SACM1L: variants seen among roughly 807,000 people sequenced by gnomAD.
The protein encoded by SACM1L is phosphatidylinositol-3-phosphatase SAC1.
Under a neutral mutation model 89.5 loss-of-function variants are expected in SACM1L, and 32 were observed. The ratio of observed to expected loss-of-function variants is 0.36; its 90% CI spans 0.27 to 0.48. SACM1L has a LOEUF of 0.48. Among genes scored for constraint, SACM1L ranks in the 20% least tolerant of loss-of-function variants. The pLI is 0.99. For synonymous variants in SACM1L, 213 were observed against 232.8 expected, an observed-to-expected ratio of 0.92 and a Z score of 0.77; for missense variants, 543 against 708.5, an observed-to-expected ratio of 0.77 and a Z score of 2.65.
intron 5 of SACM1L, among the ~76,000 whole-genome samples, chr3:45,710,892 G>A (rs894379633): frequency 2.6e-5 from 4 of 152,164 alleles, no homozygotes; most frequent in African/African-American, 9.7e-5. Flanking sequence ...ACTACAAAGA[G>A]ACTTGCTTTT....
At position 45,739,596 on chromosome 3, in the gene SACM1L, A is replaced by G; in HGVS notation, c.1579A>G (p.Ile527Val). The G allele has an allele frequency of 6.2e-7, 1 of 1,614,104 alleles. No individual in the cohort carries two copies. The highest frequency in any genetic ancestry group is 8.5e-7 in the Non-Finnish European group (1 of 1,179,972). ...RDWKFLALPI[I>V]MVVAFSMCII... ...CTATTGTCTTTTCCAGTTGCCTATT[A>G]TCATGGTTGTTGCCTTTTCAATGTG... is the stretch of plus-strand genomic sequence containing the variant. Residue 527 changes from isoleucine to valine, a missense_variant, in exon 19 of 20, where the codon ATC becomes GTC. Coordinates refer to ENST00000389061, the MANE Select transcript of SACM1L (RefSeq NM_014016.5).
intron 1 of SACM1L, among the ~76,000 whole-genome samples, chr3:45,690,627 A>G (rs930753510): frequency 1.8e-4 from 27 of 152,150 alleles, no homozygotes; most frequent in African/African-American, 5.8e-4. Flanking sequence ...GTGTTGCAAA[A>G]AAGATGATTG....
chr3:45,708,564 G>A (rs1698451252), intron 4 of SACM1L, among the ~76,000 whole-genome samples: 1 of 151,748 alleles, frequency 6.6e-6, no homozygotes, highest in South Asian at 2.1e-4. Flanking sequence ...TTATACTTTA[G>A]AATTTCTTTT....
intron 4 of SACM1L, among the ~76,000 whole-genome samples, chr3:45,709,140 G>A (rs1698465230): frequency 6.6e-6 from 1 of 152,200 alleles, no homozygotes; most frequent in Admixed American, 6.5e-5. Flanking sequence ...GGGCTGTTGT[G>A]AAGATTAAAG....
chr3:45,719,670 C>A, intron 8 of SACM1L, 69 bp downstream of exon 8: 1 of 846,624 alleles, frequency 1.2e-6, no homozygotes, highest in South Asian at 1.7e-5. Context: ...CGAATGTAAC[C>A]TTTTGTATTT....
intron 14 of SACM1L, chr3:45,737,148 T>G (rs999007119): frequency 3.6e-5 from 6 of 166,286 alleles, no homozygotes; most frequent in Admixed American, 6.4e-5. Flanking sequence ...ATCAGATTCT[T>G]AAAGGTCCCT....
chr3:45,695,614 C>T (rs1329615200), intron 1 of SACM1L, among the ~76,000 whole-genome samples: 1 of 152,170 alleles, frequency 6.6e-6, no homozygotes, highest in Non-Finnish European at 1.5e-5. Context: ...AGTTTTATGA[C>T]ATATCACTGT....
chr3:45,738,853 A>G lies in SACM1L; in HGVS notation c.1549A>G (p.Arg517Gly). The change falls in exon 18 of 20, where the codon AGG (arginine) becomes GGG (glycine). Residue 517 changes from arginine to glycine, a missense_variant. Physicochemically the swap from Arg to Gly is moderately radical, Grantham distance 125 (BLOSUM62 -2). Around this residue, in one of 2 missense-constraint regions of SACM1L, gnomAD observed 370 missense variants for 527.6 expected, o/e 0.70. Transcript: ENST00000389061. ...LESHSPLSVPRDWKFLALPII... is the reference protein window; with the variant it reads ...LESHSPLSVPGDWKFLALPII... ...ATCTCATAGTCCTTTAAGTGTTCCA[A>G]GGGACTGGAAATTCCTGGCTGTAAG... 1 of 1,606,040 alleles carries G rather than the reference A, an allele frequency of 6.2e-7. No individual in the cohort carries two copies.
chr3:45,720,125 C>G (rs1021387065), intron 8 of SACM1L, among the ~76,000 whole-genome samples: 13 of 151,722 alleles, frequency 8.6e-5, no homozygotes, highest in Admixed American at 6.6e-5. Flanking sequence ...TTTTTTTAAC[C>G]AGAATATATC....
chr3:45,717,339 G>C (rs1173401913), intron 7 of SACM1L, among the ~76,000 whole-genome samples: 2 of 152,204 alleles, frequency 1.3e-5, no homozygotes, highest in Non-Finnish European at 2.9e-5. Flanking sequence ...CGTCACAAGG[G>C]CTTGAAGTTT....
In SACM1L at chr3:45,738,553, CTTAAAAT is replaced by C; in HGVS notation, c.1383-20_1383-14del. 6.9e-7 allele frequency: 1 copy of C among 1,443,906 alleles called. No individual in the cohort carries two copies. The highest frequency in any genetic ancestry group is 9.7e-7 in the Non-Finnish European group (1 of 1,027,340). The allele number at this position is 1,443,906 out of a possible 1,614,324, so 89.4% of individuals were successfully genotyped here. The stretch of plus-strand genomic sequence containing the variant: ...GAGAATTCAGTGTACAAACCTGTAA[CTTAAAAT>C]TTAACCTCTTTAACCAGAACTGGAA... On this transcript the variant is annotated intron_variant, in intron 16 of 19. Coordinates refer to ENST00000389061, the MANE Select transcript of SACM1L (RefSeq NM_014016.5).
rs201335165 is a variant in SACM1L, at chr3:45,737,734, T to C, written c.1310-38T>C. On this transcript the variant is annotated intron_variant, in intron 15 of 19. Transcript: ENST00000389061. The stretch of plus-strand genomic sequence containing the variant: ...TCTGGATTTAGAACTTTGTTTGTCA[T>C]CTTAATAATTATCAGCTGTTTTTAC... 9.4e-6 allele frequency: 15 copies of C among 1,597,294 alleles called. No individual in the cohort carries two copies. In the South Asian group the frequency reaches 1.1e-4, roughly 12 times the overall value.
At chr3:45,689,790 C>T in intron 1 of SACM1L, 1 of 566,876 alleles carries the variant, frequency 1.8e-6, no homozygotes, top group Non-Finnish European at 3.1e-6. Flanking sequence ...ATGATGCGGC[C>T]CTTCAGGGCA....
chr3:45,739,284 G>A (rs1193351966), intron 18 of SACM1L, among the ~76,000 whole-genome samples: 3 of 152,182 alleles, frequency 2.0e-5, no homozygotes, highest in East Asian at 1.9e-4. Flanking sequence ...AGTGTGTCAA[G>A]TGCTCTGGAA....
At chr3:45,694,364 T>TG (rs931589506) in intron 1 of SACM1L, among the ~76,000 whole-genome samples, 3 of 152,148 alleles carry the variant, frequency 2.0e-5, no homozygotes, top group Admixed American at 6.5e-5. Flanking sequence ...TGAAAACAGA[T>TG]GTAACCTAAG....
Position 45,735,377 on chromosome 3 carries a change from C to T in SACM1L, c.1239+4C>T, listed in dbSNP as rs770021993. 5 of 1,480,178 alleles carry T rather than the reference C, an allele frequency of 3.4e-6. No homozygotes were observed. The South Asian group carries it at 4.2e-5, about 12-fold the overall frequency. 91.7% of individuals were successfully genotyped at this position (1,480,178 alleles called of 1,614,324 possible). On this transcript the variant is annotated splice_donor_region_variant and intron_variant, in intron 14 of 19. Coordinates refer to ENST00000389061, the MANE Select transcript of SACM1L (RefSeq NM_014016.5). ...TTCACTTCAGGCCCAACTTCAGGTG[C>T]GAATGCTTTTTTTTTTTTTAATTGA...
intron 3 of SACM1L, 30 bp from the exon 4 acceptor site, chr3:45,706,750 A>G (rs752238993): frequency 1.9e-6 from 3 of 1,550,106 alleles, no homozygotes; most frequent in Non-Finnish European, 2.6e-6. Flanking sequence ...CTATTTTTAT[A>G]ATTATGTGTG....
At chr3:45,702,110 C>T (rs1415539062) in intron 1 of SACM1L, among the ~76,000 whole-genome samples, 1 of 152,166 alleles carries the variant, frequency 6.6e-6, no homozygotes, top group African/African-American at 2.4e-5. Context: ...GCATATCCCC[C>T]CAAATGAAGG....
At chr3:45,706,467 G>T (rs1161736413) in intron 3 of SACM1L, among the ~76,000 whole-genome samples, 1 of 152,162 alleles carries the variant, frequency 6.6e-6, no homozygotes, top group Non-Finnish European at 1.5e-5. Flanking sequence ...ATCCCTTGGG[G>T]GTGATGAAAG....
Sources: allele counts gnomAD v4.1 joint callset (sites outside exome capture counted in the v4.1 genomes callset), GRCh38; gene constraint gnomAD v4.1.1; regional missense constraint gnomAD v4.1.1; transcripts MANE v1.5; gene names NCBI Gene and HGNC (gene_info 2026-07-23, HGNC 2026-07-21).